ODAD2: variants seen among roughly 807,000 people sequenced by gnomAD.
ODAD2 encodes outer dynein arm docking complex subunit 2, also known as outer dynein arm-docking complex subunit 2.
In ODAD2, 89 loss-of-function variants were observed where a neutral mutation model predicts 106.8. That is an observed-to-expected ratio of 0.83 (90% confidence interval 0.70 to 0.99). The LOEUF is 0.99. Ranked by LOEUF, ODAD2 falls within the 50% of genes least tolerant of loss-of-function variation. ODAD2 has a pLI of 0.00. For missense variants in ODAD2, 1,168 were observed against 1,238.5 expected, an observed-to-expected ratio of 0.94 and a Z score of 0.85; for synonymous variants, 404 against 436.2, an observed-to-expected ratio of 0.93 and a Z score of 0.92.
At chr10:27,894,216 A>G (rs1842727174) in intron 17 of ODAD2, among the ~76,000 whole-genome samples, 1 of 152,198 alleles carries the variant, frequency 6.6e-6, no homozygotes, top group Non-Finnish European at 1.5e-5. Context: ...TAATCCATCT[A>G]AAAATCATAG....
At chr10:27,819,268 A>C (rs976254693) in intron 19 of ODAD2, among the ~76,000 whole-genome samples, 8 of 152,228 alleles carry the variant, frequency 5.3e-5, no homozygotes, top group Middle Eastern at 3.4e-3. Context: ...CAACAGAAAT[A>C]GAAGGAATGA....
chr10:27,849,249 G>T (rs1379984400), intron 19 of ODAD2, among the ~76,000 whole-genome samples: 1 of 152,138 alleles, frequency 6.6e-6, no homozygotes, highest in Non-Finnish European at 1.5e-5. Flanking sequence ...CATGTCCTTT[G>T]TAGGGACATG....
intron 19 of ODAD2, among the ~76,000 whole-genome samples, chr10:27,815,825 T>A (rs1472541674): frequency 1.3e-5 from 2 of 152,224 alleles, no homozygotes; most frequent in Non-Finnish European, 2.9e-5. Flanking sequence ...TCTAAATTTC[T>A]ATCTCCACCC....
At chr10:27,898,233 T>C (rs1842977559) in intron 17 of ODAD2, among the ~76,000 whole-genome samples, 3 of 152,130 alleles carry the variant, frequency 2.0e-5, no homozygotes. Context: ...GGACTTTAGT[T>C]ATTATTATAT....
chr10:27,818,524 T>C (rs1336523829), intron 19 of ODAD2, among the ~76,000 whole-genome samples: 1 of 152,206 alleles, frequency 6.6e-6, no homozygotes, highest in Admixed American at 6.5e-5. Flanking sequence ...CAATGAATAA[T>C]GCCAGTTACC....
At chr10:27,844,644 A>C in intron 19 of ODAD2, among the ~76,000 whole-genome samples, 1 of 152,224 alleles carries the variant, frequency 6.6e-6, no homozygotes, top group Non-Finnish European at 1.5e-5. Context: ...TAAGATAATA[A>C]GTTTCCAACT....
At chr10:27,820,707 C>T (rs1164326699) in intron 19 of ODAD2, among the ~76,000 whole-genome samples, 1 of 150,558 alleles carries the variant, frequency 6.6e-6, no homozygotes, top group Non-Finnish European at 1.5e-5. Flanking sequence ...AACCACAAGG[C>T]TTCATTCTAT....
Position 27,812,205 on chromosome 10 carries a change from A to G in ODAD2, c.*307T>C, listed in dbSNP as rs1024180016. On this transcript the variant is annotated 3_prime_UTR_variant, in exon 20 of 20. Coordinates refer to ENST00000305242, the MANE Select transcript of ODAD2 (RefSeq NM_018076.5). The stretch of plus-strand genomic sequence containing the variant: ...TATCCTTTTTATTAAAATCGCCACA[A>G]ATACAAAAGCATCACTGAACTAAAA... 4 of 301,260 alleles carry G rather than the reference A, an allele frequency of 1.3e-5. No individual in the cohort carries two copies. The highest frequency in any genetic ancestry group is 2.3e-5 in the African/African-American group (1 of 44,060). 18.7% of individuals were successfully genotyped at this position (301,260 alleles called of 1,614,324 possible).
chr10:27,993,772 G>A (rs1336048856), intron 2 of ODAD2, among the ~76,000 whole-genome samples: 1 of 152,160 alleles, frequency 6.6e-6, no homozygotes, highest in Non-Finnish European at 1.5e-5. Flanking sequence ...TTCTAAAAAT[G>A]AAATTCTGAC....
chr10:27,826,056 G>A (rs1462091851), intron 19 of ODAD2, among the ~76,000 whole-genome samples: 1 of 151,946 alleles, frequency 6.6e-6, no homozygotes, highest in Non-Finnish European at 1.5e-5. Context: ...CATTATTATG[G>A]TCATACCCGG....
At chr10:27,918,279 A>G (rs1046540691) in intron 16 of ODAD2, among the ~76,000 whole-genome samples, 1 of 151,984 alleles carries the variant, frequency 6.6e-6, no homozygotes, top group African/African-American at 2.4e-5. Flanking sequence ...ATAAAATATC[A>G]GCAACATGAA....
intron 19 of ODAD2, among the ~76,000 whole-genome samples, chr10:27,834,910 G>A (rs547357278): frequency 6.6e-6 from 1 of 152,216 alleles, no homozygotes; most frequent in Non-Finnish European, 1.5e-5. Flanking sequence ...TTTTTCTGTA[G>A]TTGTGGATGG....
intron 16 of ODAD2, among the ~76,000 whole-genome samples, chr10:27,909,252 T>C (rs781181211): frequency 1.3e-5 from 2 of 152,230 alleles, no homozygotes; most frequent in African/African-American, 2.4e-5. Context: ...TTTAACTGTA[T>C]ATTGCTGGAC....
rs571478409 is a variant in ODAD2 at position 27,960,349 on chromosome 10, T to C, written c.1386+1219A>G. On this transcript the variant is annotated intron_variant, in intron 10 of 19. Coordinates refer to ENST00000305242, the MANE Select transcript of ODAD2 (RefSeq NM_018076.5). Reference sequence around the variant, plus strand: ...TTATTATTATTATTATTATTATTATTATTATTATTATTTTGAGATGGAGTT... The same window carrying C: ...TTATTATTATTATTATTATTATTATCATTATTATTATTTTGAGATGGAGTT... Among the ~76,000 whole-genome samples the C allele has an allele frequency of 5.1e-5, 7 of 136,108 alleles. No individual in the cohort carries two copies. The East Asian group carries it at 1.4e-3, about 27-fold the overall frequency. The allele number at this position is 136,108 out of a possible 152,430, so 89.3% of individuals were successfully genotyped here.
intron 17 of ODAD2, among the ~76,000 whole-genome samples, chr10:27,895,243 C>A (rs2133749038): frequency 6.6e-6 from 1 of 152,264 alleles, no homozygotes; most frequent in African/African-American, 2.4e-5. Context: ...ACTTGCATAT[C>A]TCAGACCTGG....
At chr10:27,963,661 A>T (rs1482722725) in intron 9 of ODAD2, among the ~76,000 whole-genome samples, 2 of 147,208 alleles carry the variant, frequency 1.4e-5, no homozygotes, top group African/African-American at 5.4e-5. Context: ...TATGGTCTTA[A>T]TTCCTCTCAT....
At chr10:27,918,176 G>C (rs769781324) in intron 16 of ODAD2, among the ~76,000 whole-genome samples, 1 of 151,804 alleles carries the variant, frequency 6.6e-6, no homozygotes, top group Non-Finnish European at 1.5e-5. Context: ...TTGTCCTATA[G>C]GGCCTGCATA....
At chr10:27,961,868 C>A (rs1468264308) in intron 9 of ODAD2, among the ~76,000 whole-genome samples, 153 bp from the exon 10 acceptor site, 1 of 152,092 alleles carries the variant, frequency 6.6e-6, no homozygotes, top group Non-Finnish European at 1.5e-5. Context: ...AGTTCAACAC[C>A]AGCCTGGACA....
At chr10:27,882,549 G>T (rs180879402) in intron 17 of ODAD2, among the ~76,000 whole-genome samples, 90 of 152,208 alleles carry the variant, frequency 5.9e-4, no homozygotes, top group Non-Finnish European at 1.5e-5. Context: ...ACATTTTCTA[G>T]AACTCTCAAA....
Sources: allele counts gnomAD v4.1 joint callset (sites outside exome capture counted in the v4.1 genomes callset), GRCh38; gene constraint gnomAD v4.1.1; transcripts MANE v1.5; gene names NCBI Gene and HGNC (gene_info 2026-07-23, HGNC 2026-07-21).